ADRM1: variants seen among roughly 807,000 people sequenced by gnomAD.
ADRM1 encodes the protein proteasomal ubiquitin receptor ADRM1.
ADRM1 carries 2 observed loss-of-function variants against 40.1 expected under a neutral mutation model. That is an observed-to-expected ratio of 0.05 (90% CI 0.02 to 0.16). The LOEUF (loss-of-function observed/expected upper bound fraction) is 0.16. Among genes scored for constraint, ADRM1 ranks in the 10% least tolerant of loss-of-function variants. ADRM1 has a pLI of 1.00. For missense variants in ADRM1, 467 were observed against 552.5 expected (o/e 0.85, Z 1.55); for synonymous variants, 287 against 240.4 (o/e 1.19, Z -1.79).
In ADRM1 at chr20:62,308,746, C is replaced by T. The variant is rs777606386; in HGVS notation, c.1209C>T (p.Asp403=). 1.9e-6 allele frequency: 3 copies of T among 1,612,384 alleles called. No homozygotes were observed. Among genetic ancestry groups the T allele is most frequent in the Non-Finnish European group, 2.5e-6 (3 of 1,179,586 alleles). ...DTKDKKDEEE[D]MSLD ...AGGACAAGAAGGACGAAGAGGAGGA[C>T]ATGAGCCTGGACTGAGCCACGCGCC... Residue 403 remains aspartate, a synonymous_variant, in exon 10 of 10, where the codon GAC becomes GAT. Transcript: ENST00000253003.
downstream of ADRM1, chr20:62,308,862 A>ACGC: frequency 4.0e-6 from 6 of 1,506,740 alleles, no homozygotes; most frequent in Non-Finnish European, 5.3e-6. Context: ...TTACCTGCCA[A>ACGC]TGCTTAGTTT....
In ADRM1 at chr20:62,306,307, C is replaced by T. The variant is rs780877800; in HGVS notation, c.441C>T (p.Leu147=). Residue 147 remains leucine, a synonymous_variant, in exon 4 of 10, where the codon CTC becomes CTT. Transcript: ENST00000253003. ...CCAGCGGAAGCAGCGGCCACGAACT[C>T]TCTGCGCTAGGCGGTAACTGTCACA... ...LGASGSSGHE[L]SALGGEGGLQ... 11 of 1,612,866 alleles carry T rather than the reference C, an allele frequency of 6.8e-6. No homozygotes were observed. The South Asian group carries it at 8.8e-5, about 13-fold the overall frequency.
rs1367424982 is a variant in ADRM1, at chr20:62,307,925, G to A, written c.857-96G>A. ...AGGCATCTGCCTAGTGTGCGCGCCTGGGGTGCTGGGGCCATGGGCTGAGTC... is the reference window on the plus strand; with the variant it reads ...AGGCATCTGCCTAGTGTGCGCGCCTAGGGTGCTGGGGCCATGGGCTGAGTC... On this transcript the variant is annotated intron_variant, in intron 7 of 9. Transcript: ENST00000253003. 5.8e-6 allele frequency: 9 copies of A among 1,546,622 alleles called. No homozygotes were observed. The East Asian group carries it at 2.1e-4, about 36-fold the overall frequency.
intron 9 of ADRM1, 26 bp downstream of exon 9, chr20:62,308,496 GGCCAGA>G (rs1568878645): frequency 1.3e-6 from 2 of 1,580,872 alleles, no homozygotes; most frequent in Admixed American, 1.9e-5. Context: ...TGCACCTCCA[GGCCAGA>G]GCCAGGGGCA....
At chr20:62,306,448 G>T in intron 4 of ADRM1, 128 bp downstream of exon 4, 3 of 1,497,878 alleles carry the variant, frequency 2.0e-6, no homozygotes, top group Non-Finnish European at 2.8e-6. Flanking sequence ...TAGAGACCCT[G>T]TGAGCTCCCT....
At chr20:62,303,348 C>A (rs1984388777) in intron 1 of ADRM1, 1 of 461,968 alleles carries the variant, frequency 2.2e-6, no homozygotes, top group Non-Finnish European at 3.8e-6. Context: ...TAGGGCCGGC[C>A]CCACTAGGCT....
Position 62,307,673 on chromosome 20 carries a change from C to T in ADRM1, c.701C>T (p.Pro234Leu), listed in dbSNP as rs1985289540. The T allele has an allele frequency of 1.2e-6, 2 of 1,612,272 alleles. No homozygotes were observed. Among genetic ancestry groups the T allele is most frequent in the Admixed American group, 1.7e-5 (1 of 60,008 alleles). The part of the protein sequence containing the change: ...STRATPAPSA[P>L]AAASATSPSP... Reference sequence around the variant, plus strand: ...CGTGCCACCCCAGCCCCTTCTGCTCCAGCAGCTGCCTCAGCAACTAGCCCG... The same window carrying T: ...CGTGCCACCCCAGCCCCTTCTGCTCTAGCAGCTGCCTCAGCAACTAGCCCG... The change falls in exon 7 of 10, where the codon CCA becomes CTA. Residue 234 changes from proline (P) to leucine (L), a missense_variant. Pro to Leu is a moderately conservative substitution (Grantham distance 98). Transcript: ENST00000253003.
Position 62,308,164 on chromosome 20 carries a change from C to CAGAATA in ADRM1, c.1000_1001insAGAATA (p.Pro334delinsGlnAsnThr). 6.2e-7 allele frequency: 1 copy of CAGAATA among 1,604,198 alleles called. No homozygotes were observed. The highest frequency in any genetic ancestry group is 8.5e-7 in the Non-Finnish European group (1 of 1,178,624). On this transcript the variant is annotated protein_altering_variant, in exon 8 of 10. Coordinates refer to ENST00000253003, the MANE Select transcript of ADRM1 (RefSeq NM_007002.4). ...TGAGATCCAGAATACCCTGACCTCG[C>CAGAATA]CCCAGTTCCAGCAGGTAGAGGCCGG...
intron 8 of ADRM1, 27 bp downstream of exon 8, chr20:62,308,205 CACTGTGTGCTCA>C (rs750411487): frequency 6.3e-7 from 1 of 1,587,416 alleles, no homozygotes; most frequent in East Asian, 2.3e-5. Flanking sequence ...GGGTGTCCTC[CACTGTGTGCTCA>C]GGGAGTGGGC....
At chr20:62,303,485 C>T (rs1046965974) in intron 1 of ADRM1, 83 bp from the exon 2 acceptor site, 1 of 1,402,214 alleles carries the variant, frequency 7.1e-7, no homozygotes, top group Non-Finnish European at 9.6e-7. Flanking sequence ...GCCCCCTGCT[C>T]GCAAACACCC....
intron 3 of ADRM1, among the ~76,000 whole-genome samples, chr20:62,305,135 C>G (rs569731229): frequency 6.6e-6 from 1 of 152,346 alleles, no homozygotes; most frequent in South Asian, 2.1e-4. Flanking sequence ...TGTGCTGTTA[C>G]AGGCAGTGTT....
intron 7 of ADRM1, 59 bp downstream of exon 7, chr20:62,307,887 C>A: frequency 6.4e-7 from 1 of 1,555,948 alleles, no homozygotes; most frequent in Non-Finnish European, 8.7e-7. Context: ...GACCCTCGCA[C>A]GCTCACCTTC....
chr20:62,305,408 C>T (rs1042489096), intron 3 of ADRM1: 2 of 152,184 alleles, frequency 1.3e-5, no homozygotes, highest in African/African-American at 2.4e-5. Context: ...TGTGCAGCGG[C>T]CTGAGAAAAT....
chr20:62,308,029 G>A lies in ADRM1; in HGVS notation c.865G>A (p.Ala289Thr), dbSNP rs867251368. Residue 289 changes from alanine to threonine, a missense_variant, in exon 8 of 10, where the codon GCC becomes ACC. This residue lies in a region of ADRM1 where 418 missense variants were observed against 474.6 expected (regional missense o/e 0.88). Transcript: ENST00000253003. ...GTGTTCTTGTGCCCCAGTGGACCTG[G>A]CCAGTGTGCTGACGCCGGAGATAAT... ...GPAGGQQVDL[A>T]SVLTPEIMAP... 2 of 1,609,568 alleles carry A rather than the reference G, an allele frequency of 1.2e-6. No homozygotes were observed. Among genetic ancestry groups the A allele is most frequent in the Admixed American group, 3.3e-5 (2 of 59,906 alleles).
At chr20:62,308,242 G>T in intron 8 of ADRM1, 64 bp downstream of exon 8, 1 of 1,549,848 alleles carries the variant, frequency 6.5e-7, no homozygotes, top group Non-Finnish European at 8.7e-7. Context: ...GGGAGGAGGA[G>T]GCCCTGCCCC....
intron 7 of ADRM1, 47 bp downstream of exon 7, chr20:62,307,875 C>T (rs926385554): frequency 1.3e-6 from 2 of 1,564,622 alleles, no homozygotes; most frequent in African/African-American, 1.4e-5. Context: ...ATGGGGCCTG[C>T]TGACCCTCGC....
In ADRM1 at chr20:62,306,230, C is replaced by T. The variant is rs373713350; in HGVS notation, c.364C>T (p.Arg122Trp). ...GACAGACCAGGATGAGGAGCATTGCCGGAAAGTCAACGAGTATCTGAACAA... is the reference window on the plus strand; with the variant it reads ...GACAGACCAGGATGAGGAGCATTGCTGGAAAGTCAACGAGTATCTGAACAA... ...PKTDQDEEHCRKVNEYLNNPP... is the reference protein window; with the variant it reads ...PKTDQDEEHCWKVNEYLNNPP... Residue 122 changes from arginine (R) to tryptophan (W), a missense_variant, in exon 4 of 10, where the codon CGG (arginine) becomes TGG (tryptophan). Arg to Trp is a moderately radical substitution (Grantham distance 101). This residue lies in a region of ADRM1 where 418 missense variants were observed against 474.6 expected (regional missense o/e 0.88). Coordinates refer to ENST00000253003, the MANE Select transcript of ADRM1 (RefSeq NM_007002.4). The T allele has an allele frequency of 3.7e-6, 6 of 1,613,192 alleles. No homozygotes were observed. The highest frequency in any genetic ancestry group is 4.5e-5 in the East Asian group (2 of 44,876).
chr20:62,305,741 TGTGTGCACACGC>T (rs1244540407), intron 3 of ADRM1: 2 of 188,492 alleles, frequency 1.1e-5, no homozygotes, highest in Non-Finnish European at 2.3e-5. Context: ...TGTGCACATG[TGTGTGCACACGC>T]GTGTGCTCGA....
intron 6 of ADRM1, 36 bp from the exon 7 acceptor site, chr20:62,307,560 G>T: frequency 6.2e-7 from 1 of 1,603,050 alleles, no homozygotes. Context: ...GCCGTGTGGG[G>T]CGTGTCCGCT....
Sources: allele counts gnomAD v4.1 joint callset (sites outside exome capture counted in the v4.1 genomes callset), GRCh38; gene constraint gnomAD v4.1.1; regional missense constraint gnomAD v4.1.1; transcripts MANE v1.5; gene names NCBI Gene and HGNC (gene_info 2026-07-23, HGNC 2026-07-21).